The following VAV3 variants were observed in gnomAD, a reference collection of about 807,000 sequenced individuals.
VAV3 encodes the protein vav guanine nucleotide exchange factor 3.
A neutral mutation model predicts 131.2 loss-of-function variants in VAV3; 94 were observed. That is an observed-to-expected ratio of 0.72 (90% CI 0.61 to 0.85). The LOEUF is 0.85. Among genes scored for constraint, VAV3 ranks in the 40% least tolerant of loss-of-function variants. The pLI is 0.00. For synonymous variants in VAV3, 349 were observed against 342.0 expected (o/e 1.02, Z -0.22); for missense variants, 939 against 1,002.7 (o/e 0.94, Z 0.86).
At chr1:107,622,790 C>A (rs1195126522) in intron 20 of VAV3, among the ~76,000 whole-genome samples, 1 of 152,140 alleles carries the variant, frequency 6.6e-6, no homozygotes, top group East Asian at 1.9e-4. Context: ...GTCAGAAATA[C>A]ACAGGTTGAG....
chr1:107,632,870 G>A (rs1372774428), intron 20 of VAV3, among the ~76,000 whole-genome samples: 1 of 152,046 alleles, frequency 6.6e-6, no homozygotes, highest in African/African-American at 2.4e-5. Context: ...CATATATATT[G>A]TCATCCATGG....
intron 19 of VAV3, among the ~76,000 whole-genome samples, chr1:107,666,124 A>T (rs371370603): frequency 6.6e-6 from 1 of 152,082 alleles, no homozygotes; most frequent in Non-Finnish European, 1.5e-5. Flanking sequence ...CCTTCACCTT[A>T]CCCTTCCTCT....
At chr1:107,891,233 C>T (rs762353229) in intron 1 of VAV3, among the ~76,000 whole-genome samples, 10 of 152,100 alleles carry the variant, frequency 6.6e-5, no homozygotes, top group Non-Finnish European at 8.8e-5. Flanking sequence ...TCATTCTTCA[C>T]GCCATTACAT....
chr1:107,938,801 C>T (rs1673846785), intron 1 of VAV3, among the ~76,000 whole-genome samples: 1 of 152,172 alleles, frequency 6.6e-6, no homozygotes. Context: ...GAATTTTGGC[C>T]TAAAGATTTA....
chr1:107,585,589 C>A (rs1242905335), intron 25 of VAV3, among the ~76,000 whole-genome samples: 3 of 152,106 alleles, frequency 2.0e-5, no homozygotes, highest in Non-Finnish European at 4.4e-5. Flanking sequence ...GTCAGACATA[C>A]CCCTCCCTTA....
chr1:107,834,443 A>G (rs148740188), intron 2 of VAV3, among the ~76,000 whole-genome samples: 2 of 152,278 alleles, frequency 1.3e-5, no homozygotes, highest in Non-Finnish European at 2.9e-5. Flanking sequence ...GAAAATAACT[A>G]CAGGAAATTG....
At chr1:107,834,900 CAGG>C (rs1557873294) in intron 2 of VAV3, among the ~76,000 whole-genome samples, 1 of 152,244 alleles carries the variant, frequency 6.6e-6, no homozygotes, top group East Asian at 1.9e-4. Flanking sequence ...ATCCTAGCTA[CAGG>C]AGATCCCATG....
In VAV3 at chr1:107,749,030, T is replaced by C. The variant is rs757898865; in HGVS notation, c.1440A>G (p.Leu480=). The C allele has an allele frequency of 6.2e-7, 1 of 1,612,630 alleles. No homozygotes were observed. The highest frequency in any genetic ancestry group is 1.1e-5 in the South Asian group (1 of 90,894). ...AATCTTTTGTTTTGCAATAAAATTC[T>C]AACCCATTTTGTCCTTGGGTATGGA... ...YLIHTQGQNG[L]EFYCKTKDLK... The change falls in exon 15 of 27, where the codon TTA becomes TTG. Residue 480 remains leucine, a synonymous_variant. Coordinates refer to ENST00000370056, the MANE Select transcript of VAV3 (RefSeq NM_006113.5).
At chr1:107,600,290 T>C (rs12729735) in intron 24 of VAV3, among the ~76,000 whole-genome samples, 17,822 of 152,244 alleles carry the variant, frequency 0.12, 1,237 homozygotes, top group South Asian at 0.24. Context: ...ATTTTTATAG[T>C]TATTTACTAA....
chr1:107,843,365 A>AATATATATATATATATATAT (rs34150658), intron 2 of VAV3, among the ~76,000 whole-genome samples: 2 of 139,970 alleles, frequency 1.4e-5, no homozygotes, highest in African/African-American at 2.6e-5. Flanking sequence ...GCACAACACA[A>AATATATATATATATATATAT]ATATATATAT....
rs114803650 is a variant in VAV3, at chr1:107,693,744, G to A, written c.1706-5338C>T. Among the ~76,000 whole-genome samples the A allele has an allele frequency of 2.1e-3, 316 of 152,236 alleles. 2 individuals carry two copies. Among genetic ancestry groups the A allele is most frequent in the African/African-American group, 7.2e-3 (301 of 41,528 alleles). On this transcript the variant is annotated intron_variant, in intron 17 of 26. Transcript: ENST00000370056. ...ATTAAGTGCCACTCCTCTGAACTTG[G>A]TACTAAGGGGTGGACACAAAAGATG... is the stretch of plus-strand genomic sequence containing the variant.
Position 107,770,729 on chromosome 1 carries a change from C to A in VAV3, c.556-1G>T. On this transcript the variant is annotated splice_acceptor_variant, in intron 5 of 26. Transcript: ENST00000370056. LOFTEE classifies it high-confidence loss of function. Reference sequence around the variant, plus strand: ...TTCGTATATCATTTTCTGGACATTTCTGCAGTTAGAATTATCAAAATAAAA... The same window carrying A: ...TTCGTATATCATTTTCTGGACATTTATGCAGTTAGAATTATCAAAATAAAA... 6.2e-7 allele frequency: 1 copy of A among 1,605,028 alleles called. No individual in the cohort carries two copies.
At chr1:107,766,996 A>C (rs1270301095) in intron 7 of VAV3, among the ~76,000 whole-genome samples, 1 of 152,186 alleles carries the variant, frequency 6.6e-6, no homozygotes, top group Non-Finnish European at 1.5e-5. Context: ...TTGTTTTATA[A>C]TCACTGTAAA....
intron 15 of VAV3, among the ~76,000 whole-genome samples, chr1:107,746,636 C>G (rs1157082308): frequency 6.6e-6 from 1 of 152,182 alleles, no homozygotes; most frequent in Non-Finnish European, 1.5e-5. Context: ...AAGAATCCTA[C>G]CTAGAATAAA....
At chr1:107,948,529 A>G (rs1011481202) in intron 1 of VAV3, among the ~76,000 whole-genome samples, 3 of 152,208 alleles carry the variant, frequency 2.0e-5, no homozygotes, top group African/African-American at 7.2e-5. Context: ...TTTCAGCACT[A>G]TAATTGTATA....
In VAV3 at chr1:107,647,879, G is replaced by T. The variant is rs146203400; in HGVS notation, c.1778-5124C>A. 3.1e-3 allele frequency among the ~76,000 whole-genome samples: 477 copies of T among 152,086 alleles called. 3 individuals are homozygous for T. The highest frequency in any genetic ancestry group is 0.01 in the African/African-American group (427 of 41,520). On this transcript the variant is annotated intron_variant, in intron 19 of 26. Coordinates refer to ENST00000370056, the MANE Select transcript of VAV3 (RefSeq NM_006113.5). ...TACAAGTTCACAATCTAAGAATCAG[G>T]TCCTAAGAATCAGGTTGAGCCTGGG...
Position 107,901,171 on chromosome 1 carries a change from T to G in VAV3, c.205-26154A>C, listed in dbSNP as rs114713712. On this transcript the variant is annotated intron_variant, in intron 1 of 26. Transcript: ENST00000370056. Reference sequence around the variant, plus strand: ...TGGGGAGCTGCTATGTCCCAGGTATTGTAGCTGACAATTTACCTATGTGAT... The same window carrying G: ...TGGGGAGCTGCTATGTCCCAGGTATGGTAGCTGACAATTTACCTATGTGAT... Among the ~76,000 whole-genome samples the G allele has an allele frequency of 4.4e-3, 675 of 152,290 alleles. 4 individuals carry two copies. Among genetic ancestry groups the G allele is most frequent in the African/African-American group, 0.015 (640 of 41,556 alleles).
At chr1:107,838,389 A>G (rs1668564102) in intron 2 of VAV3, among the ~76,000 whole-genome samples, 1 of 152,220 alleles carries the variant, frequency 6.6e-6, no homozygotes, top group Non-Finnish European at 1.5e-5. Context: ...CATCAAAACC[A>G]GAATGAGATA....
chr1:107,860,569 T>C (rs546317002), intron 2 of VAV3, among the ~76,000 whole-genome samples: 5 of 151,740 alleles, frequency 3.3e-5, no homozygotes, highest in African/African-American at 1.2e-4. Context: ...ATGATGATAG[T>C]GTCCCTTTCT....
Sources: allele counts gnomAD v4.1 joint callset (sites outside exome capture counted in the v4.1 genomes callset), GRCh38; gene constraint gnomAD v4.1.1; transcripts MANE v1.5; gene names NCBI Gene and HGNC (gene_info 2026-07-23, HGNC 2026-07-21).